ZFHX3: variants seen among roughly 807,000 people sequenced by gnomAD.
The protein encoded by ZFHX3 is zinc finger homeobox protein 3.
Under a neutral mutation model 279.1 loss-of-function variants are expected in ZFHX3, and 42 were observed. That is an observed-to-expected ratio of 0.15 (90% confidence interval 0.12 to 0.19). The LOEUF (loss-of-function observed/expected upper bound fraction) is 0.19, where lower values mean the gene tolerates loss of function less well. Ranked by LOEUF, ZFHX3 falls within the 10% of genes least tolerant of loss-of-function variation. The pLI is 1.00. For missense variants in ZFHX3, 4,981 were observed against 4,754.0 expected (o/e 1.05, Z -1.40); for synonymous variants, 2,293 against 1,957.8 (o/e 1.17, Z -4.52).
chr16:73,879,699 A>G (rs1193508605), intron 1 of ZFHX3, among the ~76,000 whole-genome samples: 2 of 152,130 alleles, frequency 1.3e-5, no homozygotes, highest in East Asian at 3.9e-4. Context: ...TTCCATGTAT[A>G]GGTATAAGTG....
At chr16:73,308,265 ATATATATATATATT>A (rs1392576510) in intron 4 of ZFHX3, among the ~76,000 whole-genome samples, 441 of 18,618 alleles carry the variant, frequency 0.024, 9 homozygotes, top group African/African-American at 0.038. Context: ...ATATATATAT[ATATATATATATATT>A]TATTTATTTA....
intron 1 of ZFHX3, among the ~76,000 whole-genome samples, chr16:73,762,292 C>T (rs776768023): frequency 6.6e-6 from 1 of 152,170 alleles, no homozygotes; most frequent in Non-Finnish European, 1.5e-5. Context: ...GATACCATCT[C>T]ATGCCAGTCA....
intron 9 of ZFHX3, 26 bp from the exon 10 acceptor site, chr16:72,788,874 C>A: frequency 3.3e-6 from 5 of 1,514,570 alleles, no homozygotes; most frequent in Admixed American, 2.3e-5. Flanking sequence ...ACAGAAATCA[C>A]CGGTCAGTCT....
chr16:72,788,647 GGCTGCTGCACCTGTGGTTGCTGCTGCT>G lies in ZFHX3; in HGVS notation c.9602_9628del (p.Gln3201_Gln3209del). The G allele has an allele frequency of 1.9e-6, 3 of 1,613,322 alleles. No individual in the cohort carries two copies. Among genetic ancestry groups the G allele is most frequent in the Non-Finnish European group, 2.5e-6 (3 of 1,179,782 alleles). ...CGGCTGGGCTGCTGGCGGCGGGGGA[GGCTGCTGCACCTGTGGTTGCTGCTGCT>G]GCTGCTGCTGCTGGGGGGGTTGCTG... On this transcript the variant is annotated inframe_deletion, in exon 10 of 10. Coordinates refer to ENST00000268489, the MANE Select transcript of ZFHX3 (RefSeq NM_006885.4).
intron 4 of ZFHX3, among the ~76,000 whole-genome samples, chr16:72,867,733 A>T (rs1344409141): frequency 8.0e-6 from 1 of 125,140 alleles, no homozygotes; most frequent in Non-Finnish European, 1.9e-5. Flanking sequence ...GAAAAAAAAA[A>T]AAAGAAGAAG....
At chr16:73,889,609 A>G (rs989149063) in intron 1 of ZFHX3, among the ~76,000 whole-genome samples, 2 of 152,186 alleles carry the variant, frequency 1.3e-5, no homozygotes, top group Non-Finnish European at 2.9e-5. Flanking sequence ...GCATTGTTTT[A>G]AGTATCATCC....
chr16:73,482,971 C>A (rs1039885881), intron 2 of ZFHX3, among the ~76,000 whole-genome samples: 1 of 152,204 alleles, frequency 6.6e-6, no homozygotes, highest in East Asian at 1.9e-4. Flanking sequence ...CATTAACTAC[C>A]GCAAGACACA....
intron 4 of ZFHX3, among the ~76,000 whole-genome samples, chr16:73,297,492 T>A (rs759871993): frequency 6.6e-6 from 1 of 152,124 alleles, no homozygotes; most frequent in Middle Eastern, 3.4e-3. Flanking sequence ...CTATTTTTAG[T>A]CTTATTTATA....
chr16:73,835,839 G>C (rs145605176), intron 1 of ZFHX3, among the ~76,000 whole-genome samples: 80 of 152,202 alleles, frequency 5.3e-4, no homozygotes, highest in African/African-American at 1.8e-3. Flanking sequence ...GTTTTCTCTT[G>C]AAGTAGTCAA....
chr16:73,397,562 A>G (rs1057094421), intron 3 of ZFHX3, among the ~76,000 whole-genome samples: 3 of 152,160 alleles, frequency 2.0e-5, no homozygotes, highest in African/African-American at 4.8e-5. Flanking sequence ...AACAGACTGC[A>G]AGGATCAAGA....
chr16:73,317,258 C>T (rs1567448664), intron 4 of ZFHX3, among the ~76,000 whole-genome samples: 2 of 145,168 alleles, frequency 1.4e-5, no homozygotes, highest in Non-Finnish European at 3.0e-5. Context: ...GGCCGCTTTC[C>T]CTTTAAACAG....
rs771492564 is a variant in ZFHX3, at chr16:73,725,542, T to TGA, written c.-1607-45303_-1607-45302insTC. On this transcript the variant is annotated intron_variant, in intron 1 of 17. Transcript: ENST00000641206. ...CCAACAGAGTGTGAGTGTGAGTGAG[T>TGA]GTGTGTGTGTGTGTGTGTGTGTGTG... Among the ~76,000 whole-genome samples the TGA allele has an allele frequency of 2.2e-3, 279 of 127,148 alleles. 2 individuals carry two copies. Among genetic ancestry groups the TGA allele is most frequent in the Non-Finnish European group, 2.6e-3 (157 of 60,166 alleles). 83.4% of individuals were successfully genotyped at this position (127,148 alleles called of 152,430 possible).
chr16:73,673,221 T>C (rs1233903510), intron 2 of ZFHX3, among the ~76,000 whole-genome samples: 2 of 152,128 alleles, frequency 1.3e-5, no homozygotes, highest in Non-Finnish European at 2.9e-5. Flanking sequence ...GATATCAAGA[T>C]AAGAATAGGG....
chr16:73,831,895 T>C (rs1961006136), intron 1 of ZFHX3, among the ~76,000 whole-genome samples: 1 of 152,150 alleles, frequency 6.6e-6, no homozygotes, highest in South Asian at 2.1e-4. Flanking sequence ...GAGTTTCATC[T>C]GGCTTCTTTG....
chr16:73,329,071 C>T (rs1219130349), intron 3 of ZFHX3, among the ~76,000 whole-genome samples: 1 of 152,250 alleles, frequency 6.6e-6, no homozygotes, highest in Admixed American at 6.5e-5. Flanking sequence ...TGCTGCCTTC[C>T]TTCTCAAAAT....
intron 1 of ZFHX3, among the ~76,000 whole-genome samples, chr16:73,008,100 A>G (rs1209607227): frequency 2.0e-5 from 3 of 152,006 alleles, no homozygotes; most frequent in Admixed American, 6.6e-5. Context: ...TATCACTTTT[A>G]TCTTACAATT....
At chr16:72,807,165 T>A (rs917962251) in intron 7 of ZFHX3, 1 of 152,212 alleles carries the variant, frequency 6.6e-6, no homozygotes, top group Non-Finnish European at 1.5e-5. Context: ...TTTCACCAAT[T>A]TGAAATCTCA....
At chr16:73,633,888 A>T (rs542201293) in intron 2 of ZFHX3, among the ~76,000 whole-genome samples, 1 of 150,474 alleles carries the variant, frequency 6.6e-6, no homozygotes, top group Non-Finnish European at 1.5e-5. Flanking sequence ...ACAGAGCAAG[A>T]CTCCATCACA....
At chr16:73,721,454 C>G (rs960603084) in intron 1 of ZFHX3, among the ~76,000 whole-genome samples, 21 of 152,152 alleles carry the variant, frequency 1.4e-4, no homozygotes, top group Non-Finnish European at 2.6e-4. Context: ...CCTGTCTGGC[C>G]CTGTGTCAGC....
Sources: gnomAD v4.1 joint callset for allele counts (sites outside exome capture counted in the v4.1 genomes callset) on GRCh38, gnomAD v4.1.1 for gene constraint, MANE v1.5 for transcripts, NCBI Gene and HGNC (gene_info 2026-07-23, HGNC 2026-07-21) for gene names.